The following ASAP2 variants were observed in gnomAD, a reference collection of about 807,000 sequenced individuals.
The protein encoded by ASAP2 is arf-GAP with SH3 domain, ANK repeat and PH domain-containing protein 2.
A neutral mutation model predicts 131.4 loss-of-function variants in ASAP2; 45 were observed. The ratio of observed to expected loss-of-function variants is 0.34; its 90% CI spans 0.27 to 0.44. The LOEUF (loss-of-function observed/expected upper bound fraction) is 0.44. Among genes scored for constraint, ASAP2 ranks in the 20% least tolerant of loss-of-function variants. ASAP2 has a pLI of 1.00. For synonymous variants in ASAP2, 510 were observed against 503.0 expected (o/e 1.01, Z -0.19); for missense variants, 1,011 against 1,297.0 (o/e 0.78, Z 3.39).
intron 1 of ASAP2, among the ~76,000 whole-genome samples, chr2:9,223,289 G>T (rs1423283733): frequency 6.6e-6 from 1 of 152,188 alleles, no homozygotes; most frequent in African/African-American, 2.4e-5. Flanking sequence ...AGATTTGATT[G>T]ATCTTATGAC....
chr2:9,384,340 T>C (rs1675095151), intron 20 of ASAP2, among the ~76,000 whole-genome samples: 1 of 152,194 alleles, frequency 6.6e-6, no homozygotes, highest in Non-Finnish European at 1.5e-5. Flanking sequence ...GAGTCAGCCA[T>C]GCTAGACTTT....
intron 2 of ASAP2, among the ~76,000 whole-genome samples, chr2:9,287,638 C>T (rs1667550356): frequency 6.6e-6 from 1 of 152,110 alleles, no homozygotes; most frequent in South Asian, 2.1e-4. Context: ...GCAGACTGAG[C>T]GGCGAGCTGG....
Position 9,243,515 on chromosome 2 carries a change from C to A in ASAP2, c.127-35802C>A, listed in dbSNP as rs527519023. Among the ~76,000 whole-genome samples, 98 of 152,330 alleles carry A rather than the reference C, an allele frequency of 6.4e-4. 2 individuals carry two copies. The South Asian group carries it at 0.016, about 25-fold the overall frequency. ...AGTCAGAGAAGTAACTGTTAAAATA[C>A]AACTTTGCTTACAATATCTGCTTTC... On this transcript the variant is annotated intron_variant, in intron 1 of 27. Coordinates refer to ENST00000281419, the MANE Select transcript of ASAP2 (RefSeq NM_003887.3).
chr2:9,347,098 C>T (rs986936589), intron 11 of ASAP2, among the ~76,000 whole-genome samples: 3 of 152,204 alleles, frequency 2.0e-5, no homozygotes, highest in Admixed American at 6.5e-5. Flanking sequence ...CAGCCATCGC[C>T]GCCTACATCC....
chr2:9,334,595 T>C, intron 7 of ASAP2, 143 bp from the exon 8 acceptor site: 2 of 658,374 alleles, frequency 3.0e-6, no homozygotes, highest in South Asian at 2.1e-5. Flanking sequence ...GTTTGCCTGA[T>C]ATTTTAAGGT....
Position 9,249,588 on chromosome 2 carries a change from C to T in ASAP2, c.127-29729C>T, listed in dbSNP as rs190107924. ...TAATTCCTGGGAAGGAAATGCCAGG[C>T]TGACCCATCACATAGACTGCATAGC... On this transcript the variant is annotated intron_variant, in intron 1 of 27. Transcript: ENST00000281419. Among the ~76,000 whole-genome samples the T allele has an allele frequency of 1.1e-3, 168 of 152,346 alleles. 2 individuals are homozygous for T. Among genetic ancestry groups the T allele is most frequent in the African/African-American group, 3.6e-3 (151 of 41,574 alleles).
At chr2:9,335,303 G>A in intron 9 of ASAP2, 124 bp downstream of exon 9, 2 of 758,500 alleles carry the variant, frequency 2.6e-6, no homozygotes, top group East Asian at 2.7e-5. Flanking sequence ...TCAGGCACCA[G>A]TAAAACATTT....
intron 3 of ASAP2, among the ~76,000 whole-genome samples, chr2:9,303,164 A>T (rs1668604967): frequency 6.6e-6 from 1 of 152,222 alleles, no homozygotes; most frequent in Non-Finnish European, 1.5e-5. Context: ...CAATGATCAT[A>T]GTATCATCTT....
intron 21 of ASAP2, among the ~76,000 whole-genome samples, chr2:9,387,522 T>C (rs1424154971): frequency 2.0e-5 from 3 of 152,184 alleles, no homozygotes; most frequent in Non-Finnish European, 4.4e-5. Context: ...CGATCTCTGC[T>C]GAATGAGCCA....
chr2:9,344,695 T>C (rs1302836370), intron 10 of ASAP2, 36 bp from the exon 11 acceptor site: 3 of 1,612,896 alleles, frequency 1.9e-6, no homozygotes, highest in Non-Finnish European at 2.5e-6. Flanking sequence ...GTCCAAAATG[T>C]CTAAACTCTT....
chr2:9,392,669 C>G lies in ASAP2; in HGVS notation c.2519-813C>G, dbSNP rs113302093. On this transcript the variant is annotated intron_variant, in intron 23 of 27. Transcript: ENST00000281419. This position sits in a 1 kb window ranked among gnomAD's most constrained non-coding sequence, Gnocchi z 4.0. The stretch of plus-strand genomic sequence containing the variant: ...AAACAATAATGATAAAAAGAAAGAT[C>G]ATAAGCTGGATCCCTTCATGTTTCC... Among the ~76,000 whole-genome samples, 139 of 152,186 alleles carry G rather than the reference C, an allele frequency of 9.1e-4. 1 individual carries two copies. The highest frequency in any genetic ancestry group is 1.8e-4 in the Non-Finnish European group (12 of 68,036).
chr2:9,316,999 A>C (rs1303372826), intron 3 of ASAP2, among the ~76,000 whole-genome samples: 2 of 137,952 alleles, frequency 1.4e-5, no homozygotes, highest in African/African-American at 2.7e-5. Context: ...ACTCTCATAC[A>C]CTCTCACAAC....
At chr2:9,387,077 G>C (rs9679129) in intron 21 of ASAP2, among the ~76,000 whole-genome samples, 31 of 148,628 alleles carry the variant, frequency 2.1e-4, no homozygotes, top group African/African-American at 2.8e-4. Flanking sequence ...TTGGTGGTGG[G>C]TGGGGGGGCG....
chr2:9,319,525 C>T (rs1447286131), intron 4 of ASAP2, among the ~76,000 whole-genome samples: 3 of 152,206 alleles, frequency 2.0e-5, no homozygotes, highest in Admixed American at 2.0e-4. Flanking sequence ...GGCGCAGGTG[C>T]GCACAGGGAG....
chr2:9,275,151 G>A (rs1666678070), intron 1 of ASAP2, among the ~76,000 whole-genome samples: 1 of 150,440 alleles, frequency 6.6e-6, no homozygotes, highest in Non-Finnish European at 1.5e-5. Flanking sequence ...CGCAATCATG[G>A]TTCGCTGCAG....
intron 27 of ASAP2, 145 bp downstream of exon 27, chr2:9,401,541 C>G (rs1198746160): frequency 1.8e-6 from 2 of 1,127,240 alleles, no homozygotes; most frequent in East Asian, 5.3e-5. Flanking sequence ...TTAGCATCCT[C>G]AGGAGCTGCT....
At chr2:9,401,945 G>A (rs1238841723) in intron 27 of ASAP2, among the ~76,000 whole-genome samples, 6 of 152,238 alleles carry the variant, frequency 3.9e-5, no homozygotes, top group Non-Finnish European at 7.3e-5. Flanking sequence ...CACACACACA[G>A]TCTGGTGCAG....
At chr2:9,274,364 C>T (rs1666612802) in intron 1 of ASAP2, among the ~76,000 whole-genome samples, 1 of 145,196 alleles carries the variant, frequency 6.9e-6, no homozygotes, top group African/African-American at 2.6e-5. Context: ...ATTTTGTCAC[C>T]CAAGCTGGAG....
chr2:9,271,374 C>A, intron 1 of ASAP2: 1 of 1,373,502 alleles, frequency 7.3e-7, no homozygotes, highest in East Asian at 2.3e-5. Context: ...ACCTGTCACC[C>A]TGTAGCTGAA....
Sources: allele counts gnomAD v4.1 joint callset (sites outside exome capture counted in the v4.1 genomes callset), GRCh38; gene constraint gnomAD v4.1.1; non-coding constraint Gnocchi (gnomAD v3.1); transcripts MANE v1.5; gene names NCBI Gene and HGNC (gene_info 2026-07-23, HGNC 2026-07-21).